The following SHANK2 variants were observed in gnomAD, a reference collection of about 807,000 sequenced individuals.
SHANK2 encodes the protein SH3 and multiple ankyrin repeat domains protein 2.
A neutral mutation model predicts 133.7 loss-of-function variants in SHANK2; 43 were observed. The ratio of observed to expected loss-of-function variants is 0.32; its 90% confidence interval spans 0.25 to 0.41. SHANK2 has a LOEUF of 0.41. Ranked by LOEUF, SHANK2 falls within the 10% of genes least tolerant of loss-of-function variation. The pLI is 1.00. For synonymous variants in SHANK2, 1,017 were observed against 952.8 expected, an observed-to-expected ratio of 1.07 and a Z score of -1.24; for missense variants, 1,994 against 2,235.8, an observed-to-expected ratio of 0.89 and a Z score of 2.18.
chr11:70,901,221 C>G (rs1303494058), intron 10 of SHANK2, among the ~76,000 whole-genome samples: 1 of 152,134 alleles, frequency 6.6e-6, no homozygotes, highest in African/African-American at 2.4e-5. Context: ...CATCTAATCA[C>G]CTTAGCTTAT....
intron 14 of SHANK2, among the ~76,000 whole-genome samples, chr11:70,707,551 TAGACA>T (rs1419424471): frequency 2.0e-5 from 3 of 152,106 alleles, no homozygotes; most frequent in Middle Eastern, 3.4e-3. Flanking sequence ...AGTCCATCTT[TAGACA>T]AGACAAGCTC....
At position 70,487,240 on chromosome 11, in the gene SHANK2, T is replaced by C. The variant is rs2058823252; in HGVS notation, c.3053A>G (p.Asn1018Ser). Residue 1018 changes from asparagine to serine, a missense_variant, in exon 25 of 26, where the codon AAC becomes AGC. Asn to Ser is a conservative substitution (Grantham distance 46). Coordinates refer to ENST00000601538, the MANE Select transcript of SHANK2 (RefSeq NM_012309.5). This position sits in a 1 kb window ranked among gnomAD's most constrained non-coding sequence, Gnocchi z 5.8. ...RRKGMLVKQS[N>S]VEDSPEKTCS... ...CGTCTTCTCGGGGCTGTCCTCCACG[T>C]TGGACTGCTTCACCAGCATCCCCTT... 6.2e-7 allele frequency: 1 copy of C among 1,614,182 alleles called. No individual in the cohort carries two copies. Among genetic ancestry groups the C allele is most frequent in the Non-Finnish European group, 8.5e-7 (1 of 1,180,034 alleles).
At chr11:70,841,043 G>T (rs3019848) in intron 11 of SHANK2, among the ~76,000 whole-genome samples, 90,154 of 151,262 alleles carry the variant, frequency 0.6, 27,298 homozygotes, top group South Asian at 0.74. Flanking sequence ...CAGGTGGATT[G>T]CTTGAGGTCC....
intron 17 of SHANK2, among the ~76,000 whole-genome samples, chr11:70,640,458 C>T (rs2061163227): frequency 6.6e-6 from 1 of 152,236 alleles, no homozygotes. Context: ...CCCTGCCAGG[C>T]CCTGGATTTC....
intron 17 of SHANK2, among the ~76,000 whole-genome samples, chr11:70,558,243 G>A (rs920447450): frequency 2.6e-5 from 4 of 152,236 alleles, no homozygotes; most frequent in African/African-American, 9.6e-5. Flanking sequence ...GCTTCGGTAG[G>A]AGCGTCAGGC....
Position 71,175,319 on chromosome 11 carries a change from A to G in SHANK2, c.-12-27981T>C, listed in dbSNP as rs1953408210. On this transcript the variant is annotated intron_variant, in intron 2 of 25. Coordinates refer to ENST00000601538, the MANE Select transcript of SHANK2 (RefSeq NM_012309.5). The surrounding 1 kb of genome is among the most constrained non-coding windows in gnomAD (Gnocchi z 4.2). ...TGACAGGTCGCCCCAGGAAATGCAA[A>G]GCTGATGAAACCTGAGCCACAGAGG... 6.6e-6 allele frequency among the ~76,000 whole-genome samples: 1 copy of G among 152,180 alleles called. No homozygotes were observed. The highest frequency in any genetic ancestry group is 1.5e-5 in the Non-Finnish European group (1 of 68,040).
At chr11:70,683,120 C>T (rs1335695825) in intron 15 of SHANK2, among the ~76,000 whole-genome samples, 9 of 152,144 alleles carry the variant, frequency 5.9e-5, no homozygotes, top group Middle Eastern at 6.8e-3. Context: ...TGACAATTAC[C>T]GCTCCCTCCT....
intron 14 of SHANK2, among the ~76,000 whole-genome samples, chr11:70,764,825 TTCCATCCATCCATCCA>T (rs67258133): frequency 0.011 from 1,590 of 149,810 alleles, 22 homozygotes; most frequent in African/African-American, 0.037. Context: ...GCCTCCTCTC[TTCCATCCATCCATCCA>T]TCCATCCATC....
chr11:70,675,851 C>T (rs886483955), intron 15 of SHANK2, among the ~76,000 whole-genome samples: 1 of 152,126 alleles, frequency 6.6e-6, no homozygotes, highest in Admixed American at 6.5e-5. Flanking sequence ...AGGCCCCACA[C>T]CTAAAAATGG....
chr11:70,778,528 C>G (rs74493812), intron 14 of SHANK2, among the ~76,000 whole-genome samples: 7,039 of 152,158 alleles, frequency 0.046, 221 homozygotes, highest in Non-Finnish European at 0.07. Flanking sequence ...AATGAAGGTA[C>G]AAGGCAGGGC....
intron 1 of SHANK2, among the ~76,000 whole-genome samples, chr11:71,242,813 A>T (rs1555124555): frequency 6.6e-6 from 1 of 152,258 alleles, no homozygotes; most frequent in Admixed American, 6.5e-5. Flanking sequence ...ATTCTCCAGG[A>T]GAGGCCTCAT....
chr11:70,928,689 G>T (rs1950462529), intron 10 of SHANK2, among the ~76,000 whole-genome samples: 1 of 152,066 alleles, frequency 6.6e-6, no homozygotes, highest in Non-Finnish European at 1.5e-5. Context: ...GATCCATGGG[G>T]CAGAATTAGG....
intron 2 of SHANK2, among the ~76,000 whole-genome samples, chr11:71,168,979 T>G (rs7933258): frequency 6.6e-6 from 1 of 151,986 alleles, no homozygotes; most frequent in South Asian, 2.1e-4. Context: ...AATCAGGAAG[T>G]ACCAAACTGA....
Position 70,500,139 on chromosome 11 carries a change from C to A in SHANK2, c.2308+431G>T, listed in dbSNP as rs73522108. Reference sequence around the variant, plus strand: ...ACTGCTCCCTTCTCCTTCTAGTGCCCCACAGGGCACAGGGCAGCCTCTTGG... The same window carrying A: ...ACTGCTCCCTTCTCCTTCTAGTGCCACACAGGGCACAGGGCAGCCTCTTGG... On this transcript the variant is annotated intron_variant, in intron 21 of 25. Coordinates refer to ENST00000601538, the MANE Select transcript of SHANK2 (RefSeq NM_012309.5). This position sits in a 1 kb window ranked among gnomAD's most constrained non-coding sequence, Gnocchi z 4.5. 1.8e-3 allele frequency among the ~76,000 whole-genome samples: 276 copies of A among 152,218 alleles called. No homozygotes were observed. Among genetic ancestry groups the A allele is most frequent in the African/African-American group, 5.3e-3 (220 of 41,534 alleles).
At chr11:71,128,123 C>T (rs1207563636) in intron 3 of SHANK2, among the ~76,000 whole-genome samples, 1 of 152,230 alleles carries the variant, frequency 6.6e-6, no homozygotes, top group Non-Finnish European at 1.5e-5. Flanking sequence ...AGCTGACTGG[C>T]CCTGCTCCCT....
At chr11:70,790,838 C>T (rs61885465) in intron 14 of SHANK2, among the ~76,000 whole-genome samples, 13,225 of 152,222 alleles carry the variant, frequency 0.087, 785 homozygotes, top group South Asian at 0.27. Flanking sequence ...CAGGGTGTCA[C>T]GGGCGATGAT....
chr11:71,059,396 A>G (rs1478601880), intron 9 of SHANK2, among the ~76,000 whole-genome samples: 1 of 151,930 alleles, frequency 6.6e-6, no homozygotes, highest in Non-Finnish European at 1.5e-5. Flanking sequence ...GACGGTGGTG[A>G]TGGTTGATGG....
intron 25 of SHANK2, among the ~76,000 whole-genome samples, chr11:70,482,731 C>T (rs564683304): frequency 5.9e-5 from 9 of 152,346 alleles, no homozygotes; most frequent in East Asian, 3.9e-4. Flanking sequence ...AGCTGGGAGG[C>T]GGCCGTTCTT....
chr11:71,107,818 G>A (rs1164930669), intron 6 of SHANK2, among the ~76,000 whole-genome samples: 1 of 152,222 alleles, frequency 6.6e-6, no homozygotes, highest in African/African-American at 2.4e-5. Context: ...TTAACAGTCT[G>A]GTGGAGGAAG....
Sources: gnomAD v4.1 joint callset for allele counts (sites outside exome capture counted in the v4.1 genomes callset) on GRCh38, gnomAD v4.1.1 for gene constraint, Gnocchi (gnomAD v3.1) non-coding constraint, MANE v1.5 for transcripts, NCBI Gene and HGNC (gene_info 2026-07-23, HGNC 2026-07-21) for gene names.